CNTN4: variants seen among roughly 807,000 people sequenced by gnomAD.
The protein encoded by CNTN4 is contactin 4.
A neutral mutation model predicts 122.5 loss-of-function variants in CNTN4; 77 were observed. The observed-to-expected ratio is 0.63, with a 90% CI of 0.52 to 0.76. The LOEUF is 0.76. Among genes scored for constraint, CNTN4 ranks in the 30% least tolerant of loss-of-function variants. CNTN4 has a pLI of 0.00. For synonymous variants in CNTN4, 512 were observed against 447.0 expected, an observed-to-expected ratio of 1.15 and a Z score of -1.83; for missense variants, 1,256 against 1,259.1, an observed-to-expected ratio of 1.00 and a Z score of 0.04.
chr3:2,897,243 G>A (rs1454733713), intron 10 of CNTN4, among the ~76,000 whole-genome samples: 2 of 152,154 alleles, frequency 1.3e-5, no homozygotes, highest in Non-Finnish European at 2.9e-5. Flanking sequence ...GAGACAAAGT[G>A]TGTCACAGAG....
Position 2,607,915 on chromosome 3 carries a change from T to C in CNTN4, c.55+36357T>C, listed in dbSNP as rs189872420. Among the ~76,000 whole-genome samples, 28 of 152,332 alleles carry C rather than the reference T, an allele frequency of 1.8e-4. 1 individual carries two copies. Among genetic ancestry groups the C allele is most frequent in the Admixed American group, 1.7e-3 (26 of 15,304 alleles). ...TATAATAAAAACGTGTCTTTTATAG[T>C]TCTTCCTACAAGCTGTATTTGATCA... is the stretch of plus-strand genomic sequence containing the variant. On this transcript the variant is annotated intron_variant, in intron 4 of 24. Transcript: ENST00000418658.
intron 14 of CNTN4, among the ~76,000 whole-genome samples, chr3:3,016,876 G>A (rs530572594): frequency 5.9e-5 from 9 of 152,272 alleles, no homozygotes; most frequent in African/African-American, 1.9e-4. Flanking sequence ...ACTCAGGGGC[G>A]ATTTGTAAAT....
intron 3 of CNTN4, among the ~76,000 whole-genome samples, chr3:2,558,176 A>T (rs1355840521): frequency 6.6e-6 from 1 of 152,122 alleles, no homozygotes; most frequent in African/African-American, 2.4e-5. Flanking sequence ...TACGCCCATC[A>T]CTCTGATTCT....
chr3:2,791,809 C>G (rs1364359486), intron 6 of CNTN4, among the ~76,000 whole-genome samples: 1 of 152,150 alleles, frequency 6.6e-6, no homozygotes, highest in African/African-American at 2.4e-5. Flanking sequence ...GATGGCTGCC[C>G]TAGCATTCCT....
intron 7 of CNTN4, among the ~76,000 whole-genome samples, chr3:2,839,562 C>A (rs984385460): frequency 8.5e-5 from 13 of 152,136 alleles, no homozygotes; most frequent in Admixed American, 3.3e-4. Flanking sequence ...AACTTACTTA[C>A]CCCACCTGGA....
intron 24 of CNTN4, 85 bp from the exon 25 acceptor site, chr3:3,056,035 C>T: frequency 1.1e-6 from 1 of 876,736 alleles, no homozygotes; most frequent in Non-Finnish European, 1.9e-6. Flanking sequence ...CCATGCAGTT[C>T]TGCTGTTTCA....
intron 23 of CNTN4, among the ~76,000 whole-genome samples, chr3:3,046,808 G>C (rs1435954534): frequency 7.0e-6 from 1 of 141,910 alleles, no homozygotes; most frequent in African/African-American, 2.7e-5. Flanking sequence ...TGGGCTAAAT[G>C]CTCCAATTAA....
chr3:2,874,625 G>T (rs2093823351), intron 8 of CNTN4, among the ~76,000 whole-genome samples: 2 of 152,228 alleles, frequency 1.3e-5, no homozygotes, highest in South Asian at 4.1e-4. Context: ...GGAGAATAGA[G>T]AATTAAAGCA....
chr3:2,953,714 T>G (rs2094770202), intron 13 of CNTN4, among the ~76,000 whole-genome samples: 1 of 152,126 alleles, frequency 6.6e-6, no homozygotes, highest in Non-Finnish European at 1.5e-5. Context: ...TAGGCAAAAA[T>G]GTCCTGACTC....
chr3:2,990,619 G>A (rs950904159), intron 14 of CNTN4, among the ~76,000 whole-genome samples: 1 of 152,120 alleles, frequency 6.6e-6, no homozygotes, highest in African/African-American at 2.4e-5. Flanking sequence ...CAAGCCCCAG[G>A]ACAAAACCGT....
intron 7 of CNTN4, among the ~76,000 whole-genome samples, chr3:2,850,518 G>T (rs1424847531): frequency 6.6e-6 from 1 of 152,158 alleles, no homozygotes; most frequent in Non-Finnish European, 1.5e-5. Context: ...AAGCCACTGA[G>T]ACTTTACATG....
In CNTN4 at chr3:2,839,902, T is replaced by A. The variant is rs577717806; in HGVS notation, c.454+20321T>A. Among the ~76,000 whole-genome samples the A allele has an allele frequency of 2.3e-4, 35 of 152,320 alleles. 1 individual carries two copies. The highest frequency in any genetic ancestry group is 1.7e-3 in the South Asian group (8 of 4,818). On this transcript the variant is annotated intron_variant, in intron 7 of 24. Transcript: ENST00000418658. ...CCGAATAGCAATCTAGGGACTTTTT[T>A]AAAATTTTTTTTCTCTATTCCCAAG...
At chr3:2,105,853 G>T (rs1464425387) in intron 2 of CNTN4, among the ~76,000 whole-genome samples, 1 of 152,130 alleles carries the variant, frequency 6.6e-6, no homozygotes, top group Non-Finnish European at 1.5e-5. Flanking sequence ...CTGAGACAAG[G>T]CAAGTCCCTT....
intron 4 of CNTN4, among the ~76,000 whole-genome samples, chr3:2,735,204 G>C (rs189204803): frequency 4.6e-5 from 7 of 152,310 alleles, no homozygotes; most frequent in Admixed American, 3.3e-4. Context: ...TTATATTAAA[G>C]AAAAAGGTTG....
chr3:2,778,110 A>C (rs1321354729), intron 6 of CNTN4, among the ~76,000 whole-genome samples: 1 of 141,578 alleles, frequency 7.1e-6, no homozygotes, highest in Non-Finnish European at 1.5e-5. Flanking sequence ...GCTACTCAGG[A>C]GGCTGAGGCA....
intron 3 of CNTN4, among the ~76,000 whole-genome samples, chr3:2,534,695 C>A (rs1362094067): frequency 1.3e-5 from 2 of 151,416 alleles, no homozygotes; most frequent in African/African-American, 4.9e-5. Context: ...ATGTGGATGT[C>A]CTCTGAAGTT....
intron 3 of CNTN4, among the ~76,000 whole-genome samples, chr3:2,360,656 A>G (rs2045095045): frequency 2.6e-5 from 4 of 152,122 alleles, no homozygotes; most frequent in Admixed American, 2.6e-4. Flanking sequence ...GAAGCAAGGA[A>G]CCTTCTTCAC....
chr3:2,860,797 C>G (rs2093663480), intron 7 of CNTN4, among the ~76,000 whole-genome samples: 1 of 152,160 alleles, frequency 6.6e-6, no homozygotes. Flanking sequence ...TGGTCATTCT[C>G]TTCTTGAGAG....
chr3:2,700,599 G>A (rs2086299311), intron 4 of CNTN4, among the ~76,000 whole-genome samples: 1 of 151,200 alleles, frequency 6.6e-6, no homozygotes, highest in Non-Finnish European at 1.5e-5. Context: ...AAGTTGGTTT[G>A]AAATTAGCCT....
Sources: gnomAD v4.1 joint callset for allele counts (sites outside exome capture counted in the v4.1 genomes callset) on GRCh38, gnomAD v4.1.1 for gene constraint, MANE v1.5 for transcripts, NCBI Gene and HGNC (gene_info 2026-07-23, HGNC 2026-07-21) for gene names.